Variants in APOB observed in about 807,000 individuals in gnomAD.
APOB encodes apolipoprotein B.
APOB carries 153 observed loss-of-function variants against 314.1 expected under a neutral mutation model. The ratio of observed to expected loss-of-function variants is 0.49; its 90% CI spans 0.43 to 0.56. The LOEUF (loss-of-function observed/expected upper bound fraction) is 0.56. APOB is among the 20% of genes least tolerant of loss of function. The pLI is 0.00. For missense variants in APOB, 5,430 were observed against 5,350.7 expected (o/e 1.01, Z -0.46); for synonymous variants, 2,087 against 2,036.4 (o/e 1.02, Z -0.67).
chr2:21,018,479 T>C (rs1290413037), intron 20 of APOB, among the ~76,000 whole-genome samples: 1 of 152,182 alleles, frequency 6.6e-6, no homozygotes, highest in African/African-American at 2.4e-5. Context: ...CTTCCTTCCT[T>C]TCCTTGAAAC....
rs1170796077 is a variant in APOB, at chr2:21,042,357, A to G, written c.237+4T>C. 5.6e-6 allele frequency: 9 copies of G among 1,610,720 alleles called. No homozygotes were observed. The highest frequency in any genetic ancestry group is 7.6e-6 in the Non-Finnish European group (9 of 1,177,334). On this transcript the variant is annotated splice_donor_region_variant and intron_variant, in intron 3 of 28. Transcript: ENST00000233242. ...TAGGTCCCTCCTGCCTGCATCCTCC[A>G]TACCTTGCAGTTGATCCTGGTGGCA...
intron 5 of APOB, among the ~76,000 whole-genome samples, chr2:21,037,699 G>C (rs1340624683): frequency 6.6e-6 from 1 of 152,156 alleles, no homozygotes; most frequent in African/African-American, 2.4e-5. Flanking sequence ...TCAAACAAAA[G>C]CAGGGGTGGG....
chr2:21,038,163 C>CTG (rs755944897), intron 4 of APOB, 52 bp from the exon 5 acceptor site: 3 of 1,605,092 alleles, frequency 1.9e-6, no homozygotes, highest in Non-Finnish European at 2.6e-6. Context: ...TTACAACTTG[C>CTG]TGGAAGTAAG....
rs564588440 is a variant in APOB at position 21,010,798 on chromosome 2, T to C, written c.6070A>G (p.Ile2024Val). Residue 2024 changes from isoleucine to valine, a missense_variant, in exon 26 of 29, where the codon ATT becomes GTT. This residue lies in a region of APOB where 3,281 missense variants were observed against 3,171.0 expected (regional missense o/e 1.03). Transcript: ENST00000233242. ...TCACTGAGTAAAAGTGGCACTTTAA[T>C]TGGGGAGTCTAGTAGAGTTAGGTCA... ...LADLTLLDSP[I>V]KVPLLLSEPI... 1.9e-5 allele frequency: 31 copies of C among 1,614,012 alleles called. 1 individual carries two copies. Among genetic ancestry groups the C allele is most frequent in the East Asian group, 4.5e-5 (2 of 44,888 alleles).
In APOB at chr2:21,011,883, C is replaced by A. The variant is rs772497804; in HGVS notation, c.4985G>T (p.Cys1662Phe). ...ISTSATTNLK[C>F]SLLVLENELN... Reference sequence around the variant, plus strand: ...CTCATTCTCCAGCACCAGGAGACTACACTTCAAGTTGGTCGTTGCACTGGT... The same window carrying A: ...CTCATTCTCCAGCACCAGGAGACTAAACTTCAAGTTGGTCGTTGCACTGGT... The change falls in exon 26 of 29, where the codon TGT (cysteine) becomes TTT (phenylalanine). Residue 1662 changes from cysteine to phenylalanine, a missense_variant. Physicochemically the swap from Cys to Phe is radical, Grantham distance 205. Around this residue, in one of 3 missense-constraint regions of APOB, gnomAD observed 2,085 missense variants for 2,079.7 expected, o/e 1.00. Transcript: ENST00000233242. The A allele has an allele frequency of 1.2e-6, 2 of 1,614,038 alleles. No homozygotes were observed. Among genetic ancestry groups the A allele is most frequent in the East Asian group, 2.2e-5 (1 of 44,882 alleles).
chr2:21,031,630 T>A (rs1260238503), intron 10 of APOB, among the ~76,000 whole-genome samples: 5 of 152,022 alleles, frequency 3.3e-5, no homozygotes, highest in Admixed American at 6.6e-5. Context: ...AGCCAAAAAA[T>A]TTCATCAAAG....
intron 21 of APOB, 100 bp downstream of exon 21, chr2:21,016,339 G>A: frequency 1.4e-6 from 1 of 726,454 alleles, no homozygotes; most frequent in East Asian, 2.6e-5. Flanking sequence ...TTGTAGACTA[G>A]GGGAGAACAT....
At chr2:21,032,220 T>C in intron 10 of APOB, 134 bp downstream of exon 10, 1 of 783,690 alleles carries the variant, frequency 1.3e-6, no homozygotes, top group South Asian at 1.6e-5. Flanking sequence ...ACCCCAAAAA[T>C]GATCAAGAAA....
chr2:21,013,047 G>C, intron 25 of APOB, 113 bp downstream of exon 25: 1 of 1,281,296 alleles, frequency 7.8e-7, no homozygotes, highest in Non-Finnish European at 1.1e-6. Context: ...CTTCCAAGTA[G>C]CAAGGAAGAT....
intron 22 of APOB, 35 bp from the exon 23 acceptor site, chr2:21,015,295 T>C: frequency 1.2e-6 from 2 of 1,613,166 alleles, no homozygotes; most frequent in Middle Eastern, 1.6e-4. Flanking sequence ...TGAATGGTAC[T>C]AGTTCAGCCT....
chr2:21,035,708 T>C lies in APOB; in HGVS notation c.694A>G (p.Thr232Ala). The change falls in exon 7 of 29, where the codon ACC becomes GCC. Residue 232 changes from threonine to alanine, a missense_variant and splice_region_variant. Around this residue, in one of 3 missense-constraint regions of APOB, gnomAD observed 2,085 missense variants for 2,079.7 expected, o/e 1.00. Coordinates refer to ENST00000233242, the MANE Select transcript of APOB (RefSeq NM_000384.3). ...CTGATCAGAGTTGACAAGGGGCGGG[T>C]CTATGAAAGAGATTGGAGACGAGCA... Reference protein sequence around the residue: ...ISPLALIKGMTRPLSTLISSS... With the variant: ...ISPLALIKGMARPLSTLISSS... 6.2e-7 allele frequency: 1 copy of C among 1,613,532 alleles called. No individual in the cohort carries two copies. The highest frequency in any genetic ancestry group is 2.2e-5 in the East Asian group (1 of 44,876).
Position 21,002,758 on chromosome 2 carries a change from T to C in APOB, c.12664A>G (p.Arg4222Gly), listed in dbSNP as rs1194934828. 1 of 1,609,266 alleles carries C rather than the reference T, an allele frequency of 6.2e-7. No individual in the cohort carries two copies. The highest frequency in any genetic ancestry group is 2.2e-5 in the East Asian group (1 of 44,798). Residue 4222 changes from arginine to glycine, a missense_variant, in exon 29 of 29, where the codon AGG becomes GGG. Around this residue, in one of 3 missense-constraint regions of APOB, gnomAD observed 3,281 missense variants for 3,171.0 expected, o/e 1.03. Transcript: ENST00000233242. ...TGGGACAGTACCGTCCCTACCTCCC[T>C]TATGAACATAGTGCAAAGTTCCTCC... is the stretch of plus-strand genomic sequence containing the variant. ...TREELCTMFI[R>G]EVGTVLSQVY... is the part of the protein sequence containing the mutation.
rs747856139 is a variant in APOB at position 21,014,564 on chromosome 2, A to T, written c.3726T>A (p.Ser1242=). 1 of 1,614,140 alleles carries T rather than the reference A, an allele frequency of 6.2e-7. No individual in the cohort carries two copies. Among genetic ancestry groups the T allele is most frequent in the South Asian group, 1.1e-5 (1 of 91,078 alleles). Residue 1242 remains serine (S), a synonymous_variant, in exon 24 of 29, where the codon TCT becomes TCA. Transcript: ENST00000233242. ...VAMSSWLQKA[S]GSLPYTQTLQ... is the part of the protein sequence containing the mutation. ...AAGTCTGGGTATAAGGAAGACTCCC[A>T]GATGCCTTCTGAAGCCATGAGCTCA...
At position 21,012,081 on chromosome 2, in the gene APOB, G is replaced by A. The variant is rs371628172; in HGVS notation, c.4787C>T (p.Ala1596Val). 5.0e-6 allele frequency: 8 copies of A among 1,614,078 alleles called. No individual in the cohort carries two copies. Among genetic ancestry groups the A allele is most frequent in the Non-Finnish European group, 6.8e-6 (8 of 1,179,982 alleles). ...AGCCTGATATTCAGAACGCAGCAGTGCATTTTGCTTAGAGAAGGTCATATC... is the reference window on the plus strand; with the variant it reads ...AGCCTGATATTCAGAACGCAGCAGTACATTTTGCTTAGAGAAGGTCATATC... ...KMDMTFSKQNALLRSEYQADY... is the reference protein window; with the variant it reads ...KMDMTFSKQNVLLRSEYQADY... Residue 1596 changes from alanine to valine, a missense_variant, in exon 26 of 29, where the codon GCA (alanine) becomes GTA (valine). By Grantham distance (64) the Ala-to-Val change is moderately conservative. Coordinates refer to ENST00000233242, the MANE Select transcript of APOB (RefSeq NM_000384.3).
chr2:21,018,910 G>A (rs1258189390), intron 20 of APOB, 82 bp downstream of exon 20: 18 of 1,604,252 alleles, frequency 1.1e-5, no homozygotes, highest in Admixed American at 8.3e-5. Flanking sequence ...TGTTAAATAG[G>A]TTAAATTACA....
Position 21,002,587 on chromosome 2 carries a change from C to G in APOB, c.12835G>C (p.Glu4279Gln), listed in dbSNP as rs1663016255. The change falls in exon 29 of 29, where the codon GAA (glutamate) becomes CAA (glutamine). Residue 4279 changes from glutamate to glutamine, a missense_variant. Transcript: ENST00000233242. ...YRELLKDLSKEAQEVFKAIQS... is the reference protein window; with the variant it reads ...YRELLKDLSKQAQEVFKAIQS... Reference sequence around the variant, plus strand: ...ATGGCTTTAAATACCTCTTGGGCTTCTTTTGATAAATCTTTCAACAGTTCC... The same window carrying G: ...ATGGCTTTAAATACCTCTTGGGCTTGTTTTGATAAATCTTTCAACAGTTCC... The G allele has an allele frequency of 6.2e-7, 1 of 1,613,952 alleles. No homozygotes were observed. Among genetic ancestry groups the G allele is most frequent in the Admixed American group, 1.7e-5 (1 of 59,990 alleles).
Position 21,007,652 on chromosome 2 carries a change from A to G in APOB, c.9216T>C (p.Asn3072=). The change falls in exon 26 of 29, where the codon AAT becomes AAC. Residue 3072 remains asparagine, a synonymous_variant. Transcript: ENST00000233242. ...LRLTGKIDFL[N]NYALFLSPSA... ...TGGGACTCAGAAACAGTGCATAGTT[A>G]TTCAGGAAGTCTATCTTCCCTGTTA... 1 of 1,614,120 alleles carries G rather than the reference A, an allele frequency of 6.2e-7. No individual in the cohort carries two copies. The highest frequency in any genetic ancestry group is 1.1e-5 in the South Asian group (1 of 91,080).
chr2:21,038,127 G>T lies in APOB; in HGVS notation c.384-16C>A, dbSNP rs747345529. On this transcript the variant is annotated splice_polypyrimidine_tract_variant and intron_variant, in intron 4 of 28. Transcript: ENST00000233242. ...GAGCTCATACCTGTCCCAGAGAGAG[G>T]ATGGTCACGGAAATGTCCTTCTCCA... is the stretch of plus-strand genomic sequence containing the variant. 6.2e-7 allele frequency: 1 copy of T among 1,613,414 alleles called. No individual in the cohort carries two copies. The highest frequency in any genetic ancestry group is 1.7e-5 in the Admixed American group (1 of 60,012).
intron 7 of APOB, among the ~76,000 whole-genome samples, 190 bp downstream of exon 7, chr2:21,035,394 G>A (rs760323759): frequency 6.6e-6 from 1 of 152,138 alleles, no homozygotes; most frequent in Non-Finnish European, 1.5e-5. Context: ...GTCTTGGATT[G>A]TTTTGCATGC....
Sources: gnomAD v4.1 joint callset for allele counts (sites outside exome capture counted in the v4.1 genomes callset) on GRCh38, gnomAD v4.1.1 for gene constraint, gnomAD v4.1.1 regional missense constraint, MANE v1.5 for transcripts, NCBI Gene and HGNC (gene_info 2026-07-23, HGNC 2026-07-21) for gene names.